The following EHMT2 variants were observed in gnomAD, a reference collection of about 807,000 sequenced individuals.
EHMT2 encodes the protein histone-lysine N-methyltransferase EHMT2.
In EHMT2, 59 loss-of-function variants were observed where a neutral mutation model predicts 143.3. The observed-to-expected ratio is 0.41, with a 90% CI of 0.33 to 0.51. EHMT2 has a LOEUF of 0.51. EHMT2 is among the 20% of genes least tolerant of loss of function. The pLI, the probability that EHMT2 is intolerant of heterozygous loss-of-function variation, is 0.18. For synonymous variants in EHMT2, 604 were observed against 651.5 expected, an observed-to-expected ratio of 0.93 and a Z score of 1.11; for missense variants, 1,174 against 1,645.9, an observed-to-expected ratio of 0.71 and a Z score of 4.96.
chr6:31,886,729 C>G (rs999069018), intron 17 of EHMT2, 46 bp downstream of exon 17: 1 of 1,613,902 alleles, frequency 6.2e-7, no homozygotes, highest in Non-Finnish European at 8.5e-7. Flanking sequence ...CACCCCAAAC[C>G]TGGTCCCTGA....
At chr6:31,879,915 G>A in exon 28 of EHMT2, 1 of 776,450 alleles carries the variant, frequency 1.3e-6, no homozygotes, top group Non-Finnish European at 2.0e-6. Context: ...GGGAGGGAGG[G>A]GCTGTCAGAC....
chr6:31,893,202 C>T (rs1765929725), intron 4 of EHMT2: 1 of 538,648 alleles, frequency 1.9e-6, no homozygotes, highest in South Asian at 2.2e-5. Context: ...GCCATATACA[C>T]AGCAGGACTG....
chr6:31,882,910 C>T (rs201630944), exon 24 of EHMT2: 8 of 1,612,902 alleles, frequency 5.0e-6, no homozygotes, highest in Admixed American at 1.7e-5. Context: ...CCACTCTGTA[C>T]GACCCGGTTC....
Position 31,883,958 on chromosome 6 carries a change from A to T in EHMT2, c.2772-8T>A, listed in dbSNP as rs1309562311. On this transcript the variant is annotated splice_region_variant and splice_polypyrimidine_tract_variant and intron_variant, in intron 21 of 27. Coordinates refer to ENST00000375537, the Ensembl canonical transcript of EHMT2. The surrounding 1 kb of genome is among the most constrained non-coding windows in gnomAD (Gnocchi z 5.6). Reference sequence around the variant, plus strand: ...TAGCCCCGAGCCACGTCCCTGCAGAAGACGGGAAGAAGGGGCTGGGAAGCT... The same window carrying T: ...TAGCCCCGAGCCACGTCCCTGCAGATGACGGGAAGAAGGGGCTGGGAAGCT... 2.5e-6 allele frequency: 4 copies of T among 1,612,868 alleles called. No homozygotes were observed. Among genetic ancestry groups the T allele is most frequent in the Non-Finnish European group, 3.4e-6 (4 of 1,179,270 alleles).
At chr6:31,890,236 A>T (rs975643535) in intron 7 of EHMT2, among the ~76,000 whole-genome samples, 10 of 151,940 alleles carry the variant, frequency 6.6e-5, no homozygotes, top group Non-Finnish European at 1.5e-4. Flanking sequence ...GGTTTCTTTG[A>T]CAAATAAATG....
exon 4 of EHMT2, chr6:31,896,366 G>C (rs757584905): frequency 4.3e-6 from 7 of 1,613,008 alleles, no homozygotes; most frequent in Non-Finnish European, 5.9e-6. Context: ...TGCTGCTGCA[G>C]CTCCCTGGGC....
chr6:31,882,582 G>T, intron 25 of EHMT2, 117 bp downstream of exon 25: 1 of 1,020,124 alleles, frequency 9.8e-7, no homozygotes, highest in Non-Finnish European at 1.5e-6. Context: ...TGGCTGGAGA[G>T]TGGCCAGATG....
intron 15 of EHMT2, 94 bp from the exon 16 acceptor site, chr6:31,887,195 G>T: frequency 9.4e-7 from 1 of 1,063,356 alleles, no homozygotes; most frequent in Non-Finnish European, 1.4e-6. Flanking sequence ...GCTTCTCAGG[G>T]CCCCAAGCTG....
intron 7 of EHMT2, among the ~76,000 whole-genome samples, chr6:31,890,429 G>T (rs908264515): frequency 2.1e-4 from 32 of 151,854 alleles, no homozygotes; most frequent in Non-Finnish European, 4.1e-4. Context: ...GCTAATTTTC[G>T]TATTTTTATT....
Position 31,889,715 on chromosome 6 carries a change from G to C in EHMT2, c.865-113C>G, listed in dbSNP as rs1765442813. 7.4e-7 allele frequency: 1 copy of C among 1,343,396 alleles called. No homozygotes were observed. The highest frequency in any genetic ancestry group is 1.2e-5 in the South Asian group (1 of 83,952). The allele number at this position is 1,343,396 out of a possible 1,614,324, so 83.2% of individuals were successfully genotyped here. ...GCCACTACCCACGGATGGCTGCTGG[G>C]GATAAGTGTGGGTAGCAGAGGAGAC... On this transcript the variant is annotated intron_variant, in intron 7 of 27. Transcript: ENST00000375537. This position sits in a 1 kb window ranked among gnomAD's most constrained non-coding sequence, Gnocchi z 5.1.
chr6:31,883,495 C>G lies in EHMT2; in HGVS notation c.2917-56G>C, dbSNP rs1764390239. The G allele has an allele frequency of 6.5e-7, 1 of 1,537,926 alleles. No homozygotes were observed. The highest frequency in any genetic ancestry group is 8.9e-7 in the Non-Finnish European group (1 of 1,125,338). On this transcript the variant is annotated intron_variant, in intron 22 of 27. Coordinates refer to ENST00000375537, the Ensembl canonical transcript of EHMT2. This position sits in a 1 kb window ranked among gnomAD's most constrained non-coding sequence, Gnocchi z 5.6. ...CCCATGATCGGTCTGGGCCCCTCTA[C>G]TCTTGATGCCCCCTGACCCCCTAAC...
In EHMT2 at chr6:31,883,851, G is replaced by A. The variant is rs368594784; in HGVS notation, c.2871C>T (p.Cys957=). ...GATCGATGTTCATGGTGGACGTCTC[G>A]CAGTTCTCTGAGATGTACTTGTAAT... Residue 957 remains cysteine, a synonymous_variant, in exon 22 of 28, where the codon TGC becomes TGT. Transcript: ENST00000375537. The surrounding 1 kb of genome is among the most constrained non-coding windows in gnomAD (Gnocchi z 5.6). 18 of 1,613,866 alleles carry A rather than the reference G, an allele frequency of 1.1e-5. No individual in the cohort carries two copies. The highest frequency in any genetic ancestry group is 1.4e-5 in the Non-Finnish European group (17 of 1,179,982).
At chr6:31,893,010 C>T in intron 4 of EHMT2, 100 bp from the exon 5 acceptor site, 1 of 690,630 alleles carries the variant, frequency 1.4e-6, no homozygotes, top group Non-Finnish European at 2.4e-6. Flanking sequence ...TGAGCCACAC[C>T]TCCAAATGCC....
In EHMT2 at chr6:31,884,229, C is replaced by G. The variant is rs1407839180; in HGVS notation, c.2771+163G>C. On this transcript the variant is annotated intron_variant, in intron 21 of 27. Coordinates refer to ENST00000375537, the Ensembl canonical transcript of EHMT2. This position sits in a 1 kb window ranked among gnomAD's most constrained non-coding sequence, Gnocchi z 7.3. ...ACTGGGTGTCTTCTATTTTTATTTG[C>G]TGTATCTGGCAACCCTAGTGGGGAG... The G allele has an allele frequency of 3.8e-5, 31 of 822,844 alleles. No individual in the cohort carries two copies. The Admixed American group carries it at 9.2e-4, about 24-fold the overall frequency. 51.0% of individuals were successfully genotyped at this position (822,844 alleles called of 1,614,324 possible). A position where few individuals can be genotyped will look rare whatever the true frequency, so the allele number is the denominator to read the frequency against.
chr6:31,897,192 A>G (rs1222616258), intron 1 of EHMT2: 1 of 1,276,698 alleles, frequency 7.8e-7, no homozygotes, highest in Non-Finnish European at 9.9e-7. Context: ...CCCTCTCGGT[A>G]GACCCCGCAT....
rs779175907 is a variant in EHMT2 at position 31,889,392 on chromosome 6, C to A, written c.1000-50G>T. The A allele has an allele frequency of 6.2e-7, 1 of 1,608,872 alleles. No homozygotes were observed. Among genetic ancestry groups the A allele is most frequent in the Non-Finnish European group, 8.5e-7 (1 of 1,178,092 alleles). ...TAGGAACCCTCACCCCCAGGGGCCC[C>A]CCCAACACCTTCAGGACCAGACCTC... On this transcript the variant is annotated intron_variant, in intron 8 of 27. Coordinates refer to ENST00000375537, the Ensembl canonical transcript of EHMT2. The surrounding 1 kb of genome is among the most constrained non-coding windows in gnomAD (Gnocchi z 5.1).
At chr6:31,897,507 C>A in intron 1 of EHMT2, 129 bp downstream of exon 1, 1 of 643,838 alleles carries the variant, frequency 1.6e-6, no homozygotes, top group South Asian at 7.1e-5. Context: ...CGGTGCTGGC[C>A]CCCTGGATTG....
At chr6:31,892,237 G>A (rs1018555747) in intron 7 of EHMT2, among the ~76,000 whole-genome samples, 170 bp downstream of exon 7, 11 of 151,984 alleles carry the variant, frequency 7.2e-5, no homozygotes, top group Non-Finnish European at 1.6e-4. Context: ...ATGAGATTCC[G>A]TCTCCCCCCA....
Position 31,884,846 on chromosome 6 carries a change from T to C in EHMT2, c.2449-47A>G. The C allele has an allele frequency of 5.1e-6, 8 of 1,578,416 alleles. No individual in the cohort carries two copies. Among genetic ancestry groups the C allele is most frequent in the Non-Finnish European group, 6.9e-6 (8 of 1,156,352 alleles). On this transcript the variant is annotated intron_variant, in intron 19 of 27. Coordinates refer to ENST00000375537, the Ensembl canonical transcript of EHMT2. This position sits in a 1 kb window ranked among gnomAD's most constrained non-coding sequence, Gnocchi z 7.3. ...AGATGAGGTGCAGGCAGCTGGGCCC[T>C]TGAATCCAGCCTCCACCTTGCTCAG...
Sources: allele counts gnomAD v4.1 joint callset (sites outside exome capture counted in the v4.1 genomes callset), GRCh38; gene constraint gnomAD v4.1.1; non-coding constraint Gnocchi (gnomAD v3.1); transcripts MANE v1.5; gene names NCBI Gene and HGNC (gene_info 2026-07-23, HGNC 2026-07-21).